Variants in PREX2 observed in about 807,000 individuals in gnomAD.
The protein encoded by PREX2 is phosphatidylinositol-3,4,5-trisphosphate dependent Rac exchange factor 2.
In PREX2, 107 loss-of-function variants were observed where a neutral mutation model predicts 203.2. That is an observed-to-expected ratio of 0.53 (90% confidence interval 0.45 to 0.62). The LOEUF is 0.62. PREX2 is among the 20% of genes least tolerant of loss of function. The pLI is 0.00. For missense variants in PREX2, 1,777 were observed against 1,955.9 expected (o/e 0.91, Z 1.72); for synonymous variants, 672 against 663.6 (o/e 1.01, Z -0.19).
At chr8:68,036,806 G>A (rs190077321) in intron 6 of PREX2, among the ~76,000 whole-genome samples, 12 of 152,172 alleles carry the variant, frequency 7.9e-5, no homozygotes, top group South Asian at 4.2e-4. Context: ...TTAGCTGGGC[G>A]TGGTGGCATG....
At chr8:68,224,218 T>A (rs1017643112) in intron 38 of PREX2, among the ~76,000 whole-genome samples, 1 of 152,062 alleles carries the variant, frequency 6.6e-6, no homozygotes, top group African/African-American at 2.4e-5. Context: ...AGTCTCACTA[T>A]GTTTCCCAGG....
intron 1 of PREX2, among the ~76,000 whole-genome samples, chr8:67,954,710 A>G (rs1805445708): frequency 6.6e-6 from 1 of 152,232 alleles, no homozygotes; most frequent in African/African-American, 2.4e-5. Context: ...ATTAGTCATT[A>G]ATCATTTCTA....
chr8:68,053,261 T>TG lies in PREX2; in HGVS notation c.1093+18dup. On this transcript the variant is annotated intron_variant, in intron 9 of 39. Coordinates refer to ENST00000288368, the MANE Select transcript of PREX2 (RefSeq NM_024870.4). ...ACGGCGGAAAGGTGGGTGTATGAAT[T>TG]GGGCGCTGTTACACTTTGTGAAGAC... 6.2e-7 allele frequency: 1 copy of TG among 1,612,774 alleles called. No individual in the cohort carries two copies. The highest frequency in any genetic ancestry group is 1.3e-5 in the African/African-American group (1 of 74,982).
chr8:68,206,882 G>A (rs1812636053), intron 37 of PREX2, among the ~76,000 whole-genome samples: 1 of 152,108 alleles, frequency 6.6e-6, no homozygotes, highest in Non-Finnish European at 1.5e-5. Flanking sequence ...GTAGTATGTA[G>A]CGTCAGTTCT....
At position 68,215,042 on chromosome 8, in the gene PREX2, A is replaced by G. The variant is rs1039575656; in HGVS notation, c.4605-2574A>G. On this transcript the variant is annotated intron_variant, in intron 37 of 39. Transcript: ENST00000288368. The stretch of plus-strand genomic sequence containing the variant: ...TTGAAGGTAGATTTTTCTCTTAGGT[A>G]TTGTGTGATTGGTTGCAAATCACAC... 2.0e-4 allele frequency among the ~76,000 whole-genome samples: 30 copies of G among 152,220 alleles called. 1 individual carries two copies. The highest frequency in any genetic ancestry group is 7.0e-4 in the African/African-American group (29 of 41,472).
chr8:68,130,402 G>A (rs961639579), intron 31 of PREX2, among the ~76,000 whole-genome samples: 1 of 152,108 alleles, frequency 6.6e-6, no homozygotes, highest in Non-Finnish European at 1.5e-5. Flanking sequence ...AAAAGACCTG[G>A]ATATTTTTGC....
At chr8:68,029,028 T>G (rs1270878149) in intron 5 of PREX2, among the ~76,000 whole-genome samples, 2 of 152,096 alleles carry the variant, frequency 1.3e-5, no homozygotes. Flanking sequence ...AGTAGATACA[T>G]TGGCATTGAT....
intron 1 of PREX2, among the ~76,000 whole-genome samples, chr8:67,974,791 A>G (rs1301420197): frequency 6.6e-6 from 1 of 152,202 alleles, no homozygotes; most frequent in Non-Finnish European, 1.5e-5. Context: ...TTTAGAAATA[A>G]TTTTGTTTCA....
chr8:68,176,926 A>G (rs1811990930), intron 35 of PREX2: 1 of 152,084 alleles, frequency 6.6e-6, no homozygotes. Context: ...ACTGCATTTG[A>G]TTTCACACTA....
chr8:68,198,549 C>A (rs1306629370), intron 37 of PREX2, among the ~76,000 whole-genome samples: 1 of 152,098 alleles, frequency 6.6e-6, no homozygotes, highest in East Asian at 1.9e-4. Flanking sequence ...TTCTTTATTC[C>A]CACCTTGCTT....
chr8:68,127,610 A>G (rs1030332191), intron 31 of PREX2, among the ~76,000 whole-genome samples, 191 bp downstream of exon 31: 5 of 151,178 alleles, frequency 3.3e-5, no homozygotes, highest in African/African-American at 1.2e-4. Context: ...ATATATATAT[A>G]TACATATATA....
chr8:67,984,472 C>T (rs1461720017), intron 1 of PREX2, among the ~76,000 whole-genome samples: 1 of 152,188 alleles, frequency 6.6e-6, no homozygotes, highest in Non-Finnish European at 1.5e-5. Context: ...TGCATACATA[C>T]ATGCATGTGT....
chr8:68,173,684 T>G (rs958181516), intron 35 of PREX2, among the ~76,000 whole-genome samples: 4 of 152,172 alleles, frequency 2.6e-5, no homozygotes, highest in African/African-American at 7.2e-5. Context: ...GGTTTTTTAT[T>G]TTTGTGATAA....
intron 37 of PREX2, among the ~76,000 whole-genome samples, chr8:68,216,232 G>T (rs1481165863): frequency 6.6e-6 from 1 of 152,186 alleles, no homozygotes; most frequent in Non-Finnish European, 1.5e-5. Flanking sequence ...GGACTTCTGT[G>T]TTAGAGCCTC....
At chr8:68,005,666 C>T (rs4737250) in intron 1 of PREX2, among the ~76,000 whole-genome samples, 108,810 of 152,158 alleles carry the variant, frequency 0.72, 40,130 homozygotes, top group African/African-American at 0.9. Flanking sequence ...TCCTTAAAGT[C>T]TCTCCTGAAG....
chr8:68,106,283 T>G (rs1288035581), intron 23 of PREX2: 1 of 505,978 alleles, frequency 2.0e-6, no homozygotes, highest in Non-Finnish European at 3.9e-6. Context: ...GGGAAAGAAC[T>G]TTTGACTGAA....
At chr8:68,098,412 T>C (rs780500006) in intron 22 of PREX2, among the ~76,000 whole-genome samples, 3 of 152,182 alleles carry the variant, frequency 2.0e-5, no homozygotes, top group Admixed American at 6.5e-5. Flanking sequence ...GGTTTTATAT[T>C]CTGAAAGTTA....
At chr8:68,214,766 G>A (rs1228525917) in intron 37 of PREX2, among the ~76,000 whole-genome samples, 1 of 152,194 alleles carries the variant, frequency 6.6e-6, no homozygotes, top group East Asian at 1.9e-4. Flanking sequence ...CTTAGTTTAG[G>A]AAAATAGAAT....
intron 1 of PREX2, among the ~76,000 whole-genome samples, chr8:67,999,575 C>CA (rs1245046286): frequency 6.6e-6 from 1 of 151,116 alleles, no homozygotes; most frequent in Admixed American, 6.6e-5. Context: ...GAAACTATTC[C>CA]AAAAAAATCG....
Sources: allele counts gnomAD v4.1 joint callset (sites outside exome capture counted in the v4.1 genomes callset), GRCh38; gene constraint gnomAD v4.1.1; transcripts MANE v1.5; gene names NCBI Gene and HGNC (gene_info 2026-07-23, HGNC 2026-07-21).